The following TOM1L2 variants were observed in gnomAD, a reference collection of about 807,000 sequenced individuals.
The protein encoded by TOM1L2 is target of myb1 like 2 membrane trafficking protein.
Under a neutral mutation model 67.9 loss-of-function variants are expected in TOM1L2, and 31 were observed. The ratio of observed to expected loss-of-function variants is 0.46; its 90% CI spans 0.34 to 0.62. The LOEUF is 0.62. TOM1L2 is among the 20% of genes least tolerant of loss of function. The pLI is 0.01. For missense variants in TOM1L2, 606 were observed against 663.5 expected (o/e 0.91, Z 0.95); for synonymous variants, 256 against 254.0 (o/e 1.01, Z -0.07).
At chr17:17,924,581 C>A (rs980562581) in intron 1 of TOM1L2, among the ~76,000 whole-genome samples, 4 of 151,974 alleles carry the variant, frequency 2.6e-5, no homozygotes, top group Non-Finnish European at 5.9e-5. Flanking sequence ...CCAGCCTGAG[C>A]AACATAAACC....
intron 1 of TOM1L2, among the ~76,000 whole-genome samples, chr17:17,940,192 C>CAAAA (rs34433429): frequency 4.0e-4 from 13 of 32,604 alleles, no homozygotes; most frequent in East Asian, 3.8e-3. Flanking sequence ...GACTCTATCT[C>CAAAA]AAAAAAAAAA....
intron 5 of TOM1L2, among the ~76,000 whole-genome samples, chr17:17,883,491 T>C (rs2037835980): frequency 6.6e-6 from 1 of 151,984 alleles, no homozygotes; most frequent in Non-Finnish European, 1.5e-5. Flanking sequence ...TCTCAGCACT[T>C]TGGGAGGACG....
At chr17:17,880,249 T>C (rs972745681) in intron 6 of TOM1L2, among the ~76,000 whole-genome samples, 1 of 152,130 alleles carries the variant, frequency 6.6e-6, no homozygotes, top group African/African-American at 2.4e-5. Context: ...GGCTGGGCAG[T>C]GTCAATAGCA....
In TOM1L2 at chr17:17,862,718, G is replaced by T. The variant is rs773786811; in HGVS notation, c.1202+13C>A. ...AATATCTTTAGAGAGCCACTAAAAG[G>T]GGCCCCACATACGTCTTGCGCTGCT... is the stretch of plus-strand genomic sequence containing the variant. On this transcript the variant is annotated intron_variant, in intron 11 of 14. Transcript: ENST00000379504. 3.1e-6 allele frequency: 5 copies of T among 1,608,360 alleles called. No homozygotes were observed. Among genetic ancestry groups the T allele is most frequent in the Non-Finnish European group, 4.2e-6 (5 of 1,176,752 alleles).
chr17:17,884,573 A>T, intron 5 of TOM1L2, 61 bp downstream of exon 5: 1 of 1,604,184 alleles, frequency 6.2e-7, no homozygotes, highest in Non-Finnish European at 8.5e-7. Context: ...GGGTGGCTGC[A>T]GCAGCTTGGC....
chr17:17,952,440 G>C (rs1035183767), intron 1 of TOM1L2, among the ~76,000 whole-genome samples: 1 of 138,590 alleles, frequency 7.2e-6, no homozygotes. Context: ...TCCCAGGCTG[G>C]AGTGCAGTGG....
At chr17:17,852,839 T>C (rs1441171385) in intron 12 of TOM1L2, among the ~76,000 whole-genome samples, 3 of 126,908 alleles carry the variant, frequency 2.4e-5, no homozygotes, top group Non-Finnish European at 4.7e-5. Flanking sequence ...CACTCCACCC[T>C]GGGCAACAAG....
At chr17:17,889,638 CCTTT>C (rs1320710579) in intron 4 of TOM1L2, among the ~76,000 whole-genome samples, 1 of 152,174 alleles carries the variant, frequency 6.6e-6, no homozygotes, top group Admixed American at 6.5e-5. Context: ...CTGTGTGGCC[CCTTT>C]ACCTTGAAAG....
At chr17:17,916,448 A>G (rs2039633497) in intron 1 of TOM1L2, among the ~76,000 whole-genome samples, 1 of 152,070 alleles carries the variant, frequency 6.6e-6, no homozygotes, top group African/African-American at 2.4e-5. Flanking sequence ...ATTTTTGCAT[A>G]TGGTATAAGA....
intron 1 of TOM1L2, among the ~76,000 whole-genome samples, chr17:17,918,661 G>A (rs1024331876): frequency 6.6e-6 from 1 of 152,174 alleles, no homozygotes. Flanking sequence ...CCCATCCAAC[G>A]TCCTCTCCAG....
intron 1 of TOM1L2, among the ~76,000 whole-genome samples, chr17:17,934,149 T>C (rs2040431605): frequency 6.6e-6 from 1 of 152,230 alleles, no homozygotes; most frequent in Non-Finnish European, 1.5e-5. Context: ...ATTAAAAGTG[T>C]ATACCTGGCT....
intron 10 of TOM1L2, among the ~76,000 whole-genome samples, chr17:17,865,418 C>T (rs1434833015): frequency 1.3e-5 from 2 of 152,236 alleles, no homozygotes; most frequent in Middle Eastern, 3.4e-3. Context: ...GAGTCGTCCC[C>T]CAGGCTGGAG....
At chr17:17,865,529 A>G (rs2036798123) in intron 10 of TOM1L2, among the ~76,000 whole-genome samples, 1 of 151,952 alleles carries the variant, frequency 6.6e-6, no homozygotes, top group Admixed American at 6.6e-5. Context: ...GGTGCCCGCC[A>G]CCAAGTCTGG....
chr17:17,961,871 C>A (rs1024982218), intron 1 of TOM1L2, among the ~76,000 whole-genome samples: 1,015 of 114,528 alleles, frequency 8.9e-3, no homozygotes, highest in Admixed American at 9.1e-3. Flanking sequence ...GACTCCGTCT[C>A]AAAAAAAAAA....
intron 1 of TOM1L2, among the ~76,000 whole-genome samples, chr17:17,936,725 G>C (rs1337101519): frequency 1.3e-5 from 2 of 151,982 alleles, no homozygotes; most frequent in Non-Finnish European, 2.9e-5. Flanking sequence ...TATTAAGTGG[G>C]AAAAACAGGG....
intron 1 of TOM1L2, among the ~76,000 whole-genome samples, chr17:17,924,642 T>C (rs1475038017): frequency 6.6e-6 from 1 of 152,038 alleles, no homozygotes; most frequent in Non-Finnish European, 1.5e-5. Flanking sequence ...TACATGCCTG[T>C]AGTCCCCAGC....
At chr17:17,899,213 A>C (rs925306130) in intron 2 of TOM1L2, among the ~76,000 whole-genome samples, 11 of 152,140 alleles carry the variant, frequency 7.2e-5, no homozygotes, top group African/African-American at 2.7e-4. Flanking sequence ...CATAGAAGAG[A>C]GTTTTTCCAG....
intron 10 of TOM1L2, among the ~76,000 whole-genome samples, chr17:17,863,070 C>T (rs1036351401): frequency 2.6e-5 from 4 of 152,086 alleles, no homozygotes; most frequent in African/African-American, 9.7e-5. Flanking sequence ...CTCAAGGAGG[C>T]GAAAGAGTCA....
intron 1 of TOM1L2, among the ~76,000 whole-genome samples, chr17:17,971,178 A>AT (rs2145118581): frequency 6.6e-6 from 1 of 152,274 alleles, no homozygotes; most frequent in East Asian, 1.9e-4. Flanking sequence ...TAAACTTAAT[A>AT]TGAGGTGGGG....
Sources: allele counts gnomAD v4.1 joint callset (sites outside exome capture counted in the v4.1 genomes callset), GRCh38; gene constraint gnomAD v4.1.1; transcripts MANE v1.5; gene names NCBI Gene and HGNC (gene_info 2026-07-23, HGNC 2026-07-21).